The following PHF6 variants were observed in gnomAD, a reference collection of about 807,000 sequenced individuals.
The protein encoded by PHF6 is PHD-like zinc finger protein.
Under a neutral mutation model 34.0 loss-of-function variants are expected in PHF6, and 7 were observed. The ratio of observed to expected loss-of-function variants is 0.21; its 90% confidence interval spans 0.12 to 0.39. PHF6 has a LOEUF of 0.39. Among genes scored for constraint, PHF6 ranks in the 10% least tolerant of loss-of-function variants. PHF6 has a pLI of 1.00. For synonymous variants in PHF6, 89 were observed against 88.4 expected, an observed-to-expected ratio of 1.01 and a Z score of -0.04; for missense variants, 128 against 262.8, an observed-to-expected ratio of 0.49 and a Z score of 3.55.
At chrX:134,385,234 C>T (rs1473223986) in intron 3 of PHF6, among the ~76,000 whole-genome samples, 1 of 111,301 alleles carries the variant, frequency 9.0e-6, no homozygotes, top group Non-Finnish European at 1.9e-5. Context: ...TACTGATGTT[C>T]ACCTCTGCTT....
intron 5 of PHF6, among the ~76,000 whole-genome samples, chrX:134,409,754 C>T (rs1189685117): frequency 2.7e-5 from 3 of 109,145 alleles, no homozygotes; most frequent in African/African-American, 1.0e-4. Context: ...GATGCCATTA[C>T]CCAGGTACTG....
Position 134,425,436 on chromosome X carries a change from T to C in PHF6, c.*106T>C. ...TAAGATTTTTTTTAATCCTATTATG[T>C]TTAGTTAAGAGCATGTTACTAAAAT... is the stretch of plus-strand genomic sequence containing the variant. On this transcript the variant is annotated intron_variant, in intron 10 of 10. Coordinates refer to ENST00000370803, the MANE Select transcript of PHF6 (RefSeq NM_001015877.2). 5.2e-6 allele frequency: 5 copies of C among 966,423 alleles called. No homozygotes were observed. The South Asian group carries it at 1.0e-4, about 20-fold the overall frequency. 79.6% of individuals were successfully genotyped at this position (966,423 alleles called of 1,213,427 possible).
At chrX:134,392,358 T>C (rs924971535) in intron 3 of PHF6, among the ~76,000 whole-genome samples, 1 of 112,225 alleles carries the variant, frequency 8.9e-6, no homozygotes, top group Non-Finnish European at 1.9e-5. Flanking sequence ...TCATGTACAG[T>C]TAAATGGCCT....
At chrX:134,411,172 G>C in intron 5 of PHF6, among the ~76,000 whole-genome samples, 1 of 110,367 alleles carries the variant, frequency 9.1e-6, no homozygotes, top group Non-Finnish European at 1.9e-5. Context: ...GGTTGGTCTC[G>C]AATTCCCGAC....
intron 5 of PHF6, among the ~76,000 whole-genome samples, chrX:134,395,975 G>A (rs1004125830): frequency 3.4e-4 from 38 of 111,972 alleles, no homozygotes; most frequent in African/African-American, 1.1e-3. Flanking sequence ...GATTGAGTAC[G>A]CTTTTCCACC....
Position 134,411,253 on chromosome X carries a change from A to C in PHF6, c.419-2238A>C, listed in dbSNP as rs372769004. Among the ~76,000 whole-genome samples the C allele has an allele frequency of 1.6e-4, 18 of 111,681 alleles. No individual in the cohort carries two copies. In the East Asian group the frequency reaches 4.8e-3, roughly 30 times the overall value. ...AGGTGTGAGCCACCACACCCAGCCC[A>C]AATTTACCACTTTTTAATTTATACT... On this transcript the variant is annotated intron_variant, in intron 5 of 10. Coordinates refer to ENST00000370803, the MANE Select transcript of PHF6 (RefSeq NM_001015877.2).
At chrX:134,393,671 CAAT>C in intron 4 of PHF6, 37 bp downstream of exon 4, 11 of 1,122,808 alleles carry the variant, frequency 9.8e-6, no homozygotes, top group Non-Finnish European at 1.3e-5. Context: ...TTTTTTTTAA[CAAT>C]AATACTTTCT....
chrX:134,398,809 G>T (rs2077389173), intron 5 of PHF6, among the ~76,000 whole-genome samples: 1 of 111,769 alleles, frequency 8.9e-6, no homozygotes, highest in South Asian at 3.7e-4. Context: ...GAAAGATCAA[G>T]TTTGAGGTAC....
At chrX:134,411,492 TTAA>T (rs1305841369) in intron 5 of PHF6, among the ~76,000 whole-genome samples, 1 of 110,704 alleles carries the variant, frequency 9.0e-6, no homozygotes, top group East Asian at 2.8e-4. Flanking sequence ...TTATAGATGT[TTAA>T]TAATGTTATT....
At chrX:134,411,078 G>A (rs760415660) in intron 5 of PHF6, among the ~76,000 whole-genome samples, 4 of 108,498 alleles carry the variant, frequency 3.7e-5, no homozygotes, top group African/African-American at 1.3e-4. Flanking sequence ...TCAGCCTCCC[G>A]AGTAGCTGGG....
At chrX:134,400,035 A>G (rs1006487736) in intron 5 of PHF6, among the ~76,000 whole-genome samples, 3 of 111,412 alleles carry the variant, frequency 2.7e-5, no homozygotes, top group Non-Finnish European at 1.9e-5. Flanking sequence ...ATCATACAGT[A>G]TATAGCTTTT....
chrX:134,384,643 TTCTTTC>T (rs770390486), intron 3 of PHF6, among the ~76,000 whole-genome samples: 2 of 43,241 alleles, frequency 4.6e-5, no homozygotes. Context: ...TCTTCTTTCT[TTCTTTC>T]TTTCTTTTTC....
chrX:134,403,519 A>G (rs1423162931), intron 5 of PHF6, among the ~76,000 whole-genome samples: 1 of 112,738 alleles, frequency 8.9e-6, no homozygotes, highest in Non-Finnish European at 1.9e-5. Flanking sequence ...AGGTGAAAGC[A>G]GCAAGTGCTG....
chrX:134,421,946 T>TGTTC (rs2077493375), intron 9 of PHF6, among the ~76,000 whole-genome samples: 1 of 109,483 alleles, frequency 9.1e-6, no homozygotes, highest in Non-Finnish European at 1.9e-5. Flanking sequence ...TTTGTTTGTT[T>TGTTC]TTGAGACAGT....
At chrX:134,390,821 T>C (rs1449850780) in intron 3 of PHF6, among the ~76,000 whole-genome samples, 1 of 111,202 alleles carries the variant, frequency 9.0e-6, no homozygotes, top group Non-Finnish European at 1.9e-5. Context: ...TCACATAGTT[T>C]TGTATCCTGC....
chrX:134,398,562 G>A (rs906996537), intron 5 of PHF6, among the ~76,000 whole-genome samples: 2 of 111,899 alleles, frequency 1.8e-5, no homozygotes, highest in Non-Finnish European at 3.8e-5. Context: ...AGTGATAGAA[G>A]GCTTGGACTA....
At chrX:134,393,677 T>G (rs1284226107) in intron 4 of PHF6, 43 bp downstream of exon 4, 1 of 1,056,694 alleles carries the variant, frequency 9.5e-7, no homozygotes, top group Non-Finnish European at 1.3e-6. Flanking sequence ...TTAACAATAA[T>G]ACTTTCTTTG....
chrX:134,408,100 G>T (rs2124240850), intron 5 of PHF6, among the ~76,000 whole-genome samples: 1 of 111,352 alleles, frequency 9.0e-6, no homozygotes, highest in East Asian at 2.8e-4. Context: ...GCTAATTTTT[G>T]TATTTTTAGT....
At chrX:134,392,086 T>C (rs1289001285) in intron 3 of PHF6, among the ~76,000 whole-genome samples, 1 of 112,171 alleles carries the variant, frequency 8.9e-6, no homozygotes, top group Admixed American at 9.5e-5. Flanking sequence ...ATGAATATTT[T>C]TTAAATGATA....
Sources: gnomAD v4.1 joint callset for allele counts (sites outside exome capture counted in the v4.1 genomes callset) on GRCh38, gnomAD v4.1.1 for gene constraint, MANE v1.5 for transcripts, NCBI Gene and HGNC (gene_info 2026-07-23, HGNC 2026-07-21) for gene names.